The following TBC1D5 variants were observed in gnomAD, a reference collection of about 807,000 sequenced individuals.
The protein encoded by TBC1D5 is TBC1 domain family member 5.
A neutral mutation model predicts 100.3 loss-of-function variants in TBC1D5; 75 were observed. The observed-to-expected ratio is 0.75, with a 90% CI of 0.62 to 0.91. TBC1D5 has a LOEUF of 0.91. Ranked by LOEUF, TBC1D5 falls within the 40% of genes least tolerant of loss-of-function variation. The pLI is 0.00. For synonymous variants in TBC1D5, 323 were observed against 325.6 expected (o/e 0.99, Z 0.09); for missense variants, 910 against 942.4 (o/e 0.97, Z 0.45).
rs373071956 is a variant in TBC1D5 at position 17,478,685 on chromosome 3, C to T, written c.97+29789G>A. The stretch of plus-strand genomic sequence containing the variant: ...AGCTGGCTTTGTTACTTGTCTTGGC[C>T]AAGAAAATGTGGCAGATCTGACAAG... On this transcript the variant is annotated intron_variant, in intron 3 of 21. Transcript: ENST00000253692. Among the ~76,000 whole-genome samples the T allele has an allele frequency of 1.0e-3, 155 of 152,220 alleles. 2 individuals carry two copies. The South Asian group carries it at 0.018, about 18-fold the overall frequency.
intron 2 of TBC1D5, among the ~76,000 whole-genome samples, chr3:17,594,285 T>A (rs2060423916): frequency 6.6e-6 from 1 of 152,144 alleles, no homozygotes; most frequent in African/African-American, 2.4e-5. Context: ...AGGAAATCCA[T>A]TAGGGCGTCT....
chr3:17,651,074 T>C (rs1205833224), intron 1 of TBC1D5, among the ~76,000 whole-genome samples: 3 of 152,206 alleles, frequency 2.0e-5, no homozygotes, highest in African/African-American at 7.2e-5. Context: ...TCAAGATTTT[T>C]TTTCCTTCCT....
chr3:17,695,541 A>G (rs892027586), intron 1 of TBC1D5, among the ~76,000 whole-genome samples: 3 of 152,160 alleles, frequency 2.0e-5, no homozygotes, highest in African/African-American at 4.8e-5. Flanking sequence ...TCAACAAGAA[A>G]AGCTAACTAT....
intron 1 of TBC1D5, among the ~76,000 whole-genome samples, chr3:17,715,337 A>G (rs1314218529): frequency 6.6e-6 from 1 of 152,170 alleles, no homozygotes; most frequent in East Asian, 1.9e-4. Context: ...TTTAGAGAGC[A>G]AGGTCTGTGA....
chr3:17,223,951 A>T lies in TBC1D5; in HGVS notation c.1589-9581T>A, dbSNP rs538612137. 1.6e-3 allele frequency among the ~76,000 whole-genome samples: 251 copies of T among 152,168 alleles called. 4 individuals carry two copies. Among genetic ancestry groups the T allele is most frequent in the Non-Finnish European group, 4.0e-4 (27 of 67,994 alleles). The stretch of plus-strand genomic sequence containing the variant: ...AAAACAAACAAACAAAGAAAAAAAG[A>T]CTATGCCAATATATATAATTAAATT... On this transcript the variant is annotated intron_variant, in intron 17 of 21. Coordinates refer to ENST00000253692, the Ensembl canonical transcript of TBC1D5.
intron 2 of TBC1D5, among the ~76,000 whole-genome samples, chr3:17,614,642 G>C (rs539213448): frequency 2.0e-5 from 3 of 152,124 alleles, no homozygotes; most frequent in South Asian, 2.1e-4. Flanking sequence ...TTATTCCCTT[G>C]GTAGCGATTG....
chr3:17,362,463 A>C (rs1258275182), intron 13 of TBC1D5, among the ~76,000 whole-genome samples: 1 of 152,076 alleles, frequency 6.6e-6, no homozygotes, highest in Non-Finnish European at 1.5e-5. Context: ...AGGGCAAAAG[A>C]TGTAAGACAC....
chr3:17,735,008 A>G (rs965883530), intron 1 of TBC1D5, among the ~76,000 whole-genome samples: 5 of 152,162 alleles, frequency 3.3e-5, no homozygotes, highest in Admixed American at 6.5e-5. Context: ...TGGAAGGATC[A>G]CTTGAGCCTA....
chr3:17,705,641 C>CA, intron 1 of TBC1D5, among the ~76,000 whole-genome samples: 1 of 132,846 alleles, frequency 7.5e-6, no homozygotes, highest in Admixed American at 7.4e-5. Context: ...CCCCACATCT[C>CA]AGACGATGGG....
intron 2 of TBC1D5, among the ~76,000 whole-genome samples, chr3:17,596,685 T>C (rs2060594935): frequency 8.2e-6 from 1 of 121,496 alleles, no homozygotes; most frequent in African/African-American, 3.3e-5. Flanking sequence ...CAGGCAACAA[T>C]GAGAGACTCC....
At chr3:17,713,178 CAACAGAAAA>C (rs2074908117) in intron 1 of TBC1D5, among the ~76,000 whole-genome samples, 1 of 151,348 alleles carries the variant, frequency 6.6e-6, no homozygotes, top group Non-Finnish European at 1.5e-5. Context: ...GTATAAATAA[CAACAGAAAA>C]AATAGATAAA....
intron 8 of TBC1D5, among the ~76,000 whole-genome samples, chr3:17,386,809 G>A (rs757985065): frequency 7.9e-5 from 12 of 151,936 alleles, no homozygotes; most frequent in Non-Finnish European, 1.6e-4. Flanking sequence ...AATTTAATTC[G>A]GCTGAAGTTT....
chr3:17,292,477 T>A (rs973452378), intron 14 of TBC1D5, among the ~76,000 whole-genome samples: 1 of 152,230 alleles, frequency 6.6e-6, no homozygotes, highest in African/African-American at 2.4e-5. Flanking sequence ...ACTCAAAATT[T>A]AAAAAAGTAG....
chr3:17,214,450 A>G, intron 17 of TBC1D5, 80 bp from the exon 19 acceptor site: 1 of 1,364,992 alleles, frequency 7.3e-7, no homozygotes, highest in Non-Finnish European at 1.0e-6. Flanking sequence ...TTAATAAATG[A>G]TGATCAATTA....
chr3:17,558,086 T>TCTA (rs1263256422), intron 2 of TBC1D5, among the ~76,000 whole-genome samples: 1 of 152,192 alleles, frequency 6.6e-6, no homozygotes, highest in Non-Finnish European at 1.5e-5. Context: ...GAACCCTTGT[T>TCTA]CTACTATAAT....
At chr3:17,372,240 T>C in exon 13 of TBC1D5, 1 of 1,606,672 alleles carries the variant, frequency 6.2e-7, no homozygotes, top group Non-Finnish European at 8.5e-7. Context: ...CATCAGTGTT[T>C]CTTTCCCCTA....
intron 1 of TBC1D5, among the ~76,000 whole-genome samples, chr3:17,738,602 C>G (rs1210575552): frequency 6.6e-6 from 1 of 152,064 alleles, no homozygotes; most frequent in African/African-American, 2.4e-5. Context: ...TTCGGATGTG[C>G]AACAAATGCT....
chr3:17,292,119 T>G (rs947201818), intron 14 of TBC1D5, 118 bp from the exon 15 acceptor site: 7 of 830,202 alleles, frequency 8.4e-6, no homozygotes, highest in Non-Finnish European at 1.3e-5. Flanking sequence ...CTCAACTGAT[T>G]TGATAAAAGG....
chr3:17,438,558 T>C (rs536888879), intron 3 of TBC1D5, among the ~76,000 whole-genome samples: 2 of 152,336 alleles, frequency 1.3e-5, no homozygotes, highest in African/African-American at 4.8e-5. Context: ...GAAGGACATG[T>C]TTGCTTTGCC....
Sources: gnomAD v4.1 joint callset for allele counts (sites outside exome capture counted in the v4.1 genomes callset) on GRCh38, gnomAD v4.1.1 for gene constraint, MANE v1.5 for transcripts, NCBI Gene and HGNC (gene_info 2026-07-23, HGNC 2026-07-21) for gene names.